Variants in INPP4B observed in about 807,000 individuals in gnomAD.
INPP4B encodes the protein inositol polyphosphate 4-phosphatase type II.
A neutral mutation model predicts 122.5 loss-of-function variants in INPP4B; 55 were observed. The ratio of observed to expected loss-of-function variants is 0.45; its 90% confidence interval spans 0.36 to 0.56. The LOEUF is 0.56. Among genes scored for constraint, INPP4B ranks in the 20% least tolerant of loss-of-function variants. The probability of loss-of-function intolerance (pLI) is 0.00; values close to 1 mark genes in which losing one functional copy is unlikely to be tolerated. For synonymous variants in INPP4B, 403 were observed against 388.7 expected, an observed-to-expected ratio of 1.04 and a Z score of -0.43; for missense variants, 1,000 against 1,097.7, an observed-to-expected ratio of 0.91 and a Z score of 1.26.
intron 2 of INPP4B, among the ~76,000 whole-genome samples, chr4:142,555,207 G>T (rs937967767): frequency 2.9e-4 from 44 of 152,312 alleles, no homozygotes; most frequent in African/African-American, 1.0e-3. Flanking sequence ...AGAACCTGCA[G>T]ATGTGCTTCA....
At chr4:142,755,124 TTCTA>T (rs1459538544) in intron 1 of INPP4B, among the ~76,000 whole-genome samples, 1 of 152,030 alleles carries the variant, frequency 6.6e-6, no homozygotes, top group Admixed American at 6.6e-5. Context: ...CACATTTCTA[TTCTA>T]TCTATCCTCA....
chr4:142,196,950 C>T (rs1249105281), intron 14 of INPP4B, among the ~76,000 whole-genome samples: 1 of 151,578 alleles, frequency 6.6e-6, no homozygotes, highest in Non-Finnish European at 1.5e-5. Context: ...CATGATGAAA[C>T]CCCGTCTCTA....
chr4:142,668,555 A>G (rs1756489241), intron 2 of INPP4B, among the ~76,000 whole-genome samples: 1 of 152,184 alleles, frequency 6.6e-6, no homozygotes, highest in Admixed American at 6.5e-5. Context: ...AATAACTTAA[A>G]TTGTCCCTGT....
chr4:142,168,191 G>A (rs1290242362), intron 16 of INPP4B, among the ~76,000 whole-genome samples: 4 of 151,420 alleles, frequency 2.6e-5, no homozygotes, highest in African/African-American at 7.3e-5. Context: ...TCTGTGTGGA[G>A]TATATTGAGC....
intron 7 of INPP4B, among the ~76,000 whole-genome samples, chr4:142,338,059 C>A (rs139482469): frequency 3.9e-5 from 6 of 152,062 alleles, no homozygotes; most frequent in African/African-American, 1.4e-4. Flanking sequence ...TATATCAATC[C>A]AGAATTGCCT....
At chr4:142,246,088 ATGTGTG>A (rs201517909) in intron 11 of INPP4B, among the ~76,000 whole-genome samples, 1 of 144,984 alleles carries the variant, frequency 6.9e-6, no homozygotes, top group Non-Finnish European at 1.5e-5. Flanking sequence ...CATTATATAT[ATGTGTG>A]TGTGTATACA....
In INPP4B at chr4:142,387,670, T is replaced by C. The variant is rs1453912759; in HGVS notation, c.372+15268A>G. ...TCTAGCCTCTCTCTGTGCAAATCGG[T>C]TGGATGAATGGTAAAAATCATGGTT... On this transcript the variant is annotated intron_variant, in intron 7 of 25. Transcript: ENST00000262992. Among the ~76,000 whole-genome samples, 9 of 152,106 alleles carry C rather than the reference T, an allele frequency of 5.9e-5. No individual in the cohort carries two copies. In the East Asian group the frequency reaches 1.5e-3, roughly 26 times the overall value.
chr4:142,624,537 A>G (rs898529376), intron 2 of INPP4B, among the ~76,000 whole-genome samples: 31 of 152,166 alleles, frequency 2.0e-4, no homozygotes, highest in African/African-American at 7.2e-4. Flanking sequence ...TCACAGCCGA[A>G]TTCTATCAGA....
At chr4:142,619,757 G>A (rs1744484760) in intron 2 of INPP4B, among the ~76,000 whole-genome samples, 1 of 151,940 alleles carries the variant, frequency 6.6e-6, no homozygotes. Context: ...CAGATCTCAT[G>A]TTAAGTGTTA....
chr4:142,169,216 C>T (rs1380626464), intron 16 of INPP4B, among the ~76,000 whole-genome samples: 2 of 151,342 alleles, frequency 1.3e-5, no homozygotes, highest in Admixed American at 1.3e-4. Flanking sequence ...TAAATAATTA[C>T]CATTTAAAGG....
chr4:142,554,621 G>T (rs1728753551), intron 2 of INPP4B, among the ~76,000 whole-genome samples: 2 of 151,968 alleles, frequency 1.3e-5, no homozygotes, highest in Admixed American at 1.3e-4. Flanking sequence ...TCATACCCTG[G>T]GCTCTACCCA....
chr4:142,250,106 C>T (rs1731200559), intron 11 of INPP4B, among the ~76,000 whole-genome samples: 2 of 152,002 alleles, frequency 1.3e-5, no homozygotes, highest in Admixed American at 1.3e-4. Context: ...TTTGTATTTC[C>T]ATGTAATTAA....
intron 1 of INPP4B, among the ~76,000 whole-genome samples, chr4:142,825,709 T>C (rs1781371817): frequency 6.6e-6 from 1 of 152,046 alleles, no homozygotes; most frequent in South Asian, 2.1e-4. Flanking sequence ...GCATGTGAAC[T>C]AGGTTGAACT....
At chr4:142,506,243 C>T (rs201469111) in intron 2 of INPP4B, among the ~76,000 whole-genome samples, 1 of 151,912 alleles carries the variant, frequency 6.6e-6, no homozygotes, top group East Asian at 1.9e-4. Context: ...TGGCAGAGGT[C>T]CTAAAATTGA....
chr4:142,500,867 G>A (rs1823280000), intron 2 of INPP4B, among the ~76,000 whole-genome samples: 1 of 151,866 alleles, frequency 6.6e-6, no homozygotes, highest in Non-Finnish European at 1.5e-5. Context: ...TAGTTGCCAG[G>A]GGTTAGGGTA....
chr4:142,495,361 C>T lies in INPP4B; in HGVS notation c.-190-32635G>A, dbSNP rs541882176. 8.6e-4 allele frequency among the ~76,000 whole-genome samples: 131 copies of T among 152,042 alleles called. No individual in the cohort carries two copies. In the South Asian group the frequency reaches 0.012, roughly 14 times the overall value. ...TATACACATATGAAACGCACACACA[C>T]GCACACATATACATGCACACACAAA... On this transcript the variant is annotated intron_variant, in intron 2 of 25. Coordinates refer to ENST00000262992, the MANE Select transcript of INPP4B (RefSeq NM_001101669.3).
At chr4:142,464,508 A>G (rs12500133) in intron 2 of INPP4B, among the ~76,000 whole-genome samples, 3 of 152,094 alleles carry the variant, frequency 2.0e-5, no homozygotes, top group Non-Finnish European at 4.4e-5. Flanking sequence ...GCTTTAAATT[A>G]TACCAGGACT....
At chr4:142,454,795 A>G (rs1016627400) in intron 3 of INPP4B, among the ~76,000 whole-genome samples, 1 of 152,066 alleles carries the variant, frequency 6.6e-6, no homozygotes, top group Non-Finnish European at 1.5e-5. Context: ...GAATTCATAC[A>G]TGCAAAGTTG....
Position 142,720,809 on chromosome 4 carries a change from CTATATAT to C in INPP4B, c.-191+5023_-191+5029del, listed in dbSNP as rs1764524155. 1.4e-3 allele frequency among the ~76,000 whole-genome samples: 18 copies of C among 12,950 alleles called. 1 individual carries two copies. In the East Asian group the frequency reaches 0.053, roughly 38 times the overall value. 8.5% of individuals were successfully genotyped at this position (12,950 alleles called of 152,430 possible). On this transcript the variant is annotated intron_variant, in intron 2 of 25. Transcript: ENST00000262992. ...TCTCTCTCTCTCTCTCTCTCTCTCT[CTATATAT>C]ATATATATATATAGTTTTCTTATTT...
Sources: allele counts gnomAD v4.1 joint callset (sites outside exome capture counted in the v4.1 genomes callset), GRCh38; gene constraint gnomAD v4.1.1; transcripts MANE v1.5; gene names NCBI Gene and HGNC (gene_info 2026-07-23, HGNC 2026-07-21).